CDH18: variants seen among roughly 807,000 people sequenced by gnomAD.
CDH18 encodes the protein cadherin-18.
In CDH18, 31 loss-of-function variants were observed where a neutral mutation model predicts 67.9. That is an observed-to-expected ratio of 0.46 (90% CI 0.34 to 0.62). The LOEUF (loss-of-function observed/expected upper bound fraction) is 0.62. Ranked by LOEUF, CDH18 falls within the 20% of genes least tolerant of loss-of-function variation. The pLI, the probability that CDH18 is intolerant of heterozygous loss-of-function variation, is 0.01. For missense variants in CDH18, 890 were observed against 975.5 expected (o/e 0.91, Z 1.17); for synonymous variants, 362 against 347.2 (o/e 1.04, Z -0.48).
chr5:20,058,210 A>G (rs149569917), intron 2 of CDH18, among the ~76,000 whole-genome samples: 22 of 152,276 alleles, frequency 1.4e-4, no homozygotes, highest in African/African-American at 5.3e-4. Flanking sequence ...ATTGTATTAG[A>G]ACTATCTTTA....
intron 2 of CDH18, among the ~76,000 whole-genome samples, chr5:20,173,291 A>T (rs1736984166): frequency 6.6e-6 from 1 of 152,178 alleles, no homozygotes; most frequent in East Asian, 1.9e-4. Flanking sequence ...TTAGAAATGT[A>T]TACATCAAGG....
At chr5:20,282,360 T>C (rs1331680809) in intron 1 of CDH18, among the ~76,000 whole-genome samples, 1 of 152,178 alleles carries the variant, frequency 6.6e-6, no homozygotes, top group Non-Finnish European at 1.5e-5. Flanking sequence ...TTGTCATAAA[T>C]AGCTCTTATT....
At position 20,453,619 on chromosome 5, in the gene CDH18, ATATATATG is replaced by A. The variant is rs1166032382; in HGVS notation, c.-580+121835_-580+121842del. On this transcript the variant is annotated intron_variant, in intron 1 of 14. Coordinates refer to the CDH18 transcript ENST00000507958. ...TATGTATATATATGTGTGTGTGTAT[ATATATATG>A]TATATATGTATAAATGTATTTGGCT... is the stretch of plus-strand genomic sequence containing the variant. 7.2e-3 allele frequency among the ~76,000 whole-genome samples: 1,088 copies of A among 151,904 alleles called. 8 individuals are homozygous for A. The highest frequency in any genetic ancestry group is 0.025 in the African/African-American group (1,028 of 41,456).
chr5:20,147,632 C>T (rs918665510), intron 2 of CDH18, among the ~76,000 whole-genome samples: 1 of 152,040 alleles, frequency 6.6e-6, no homozygotes, highest in African/African-American at 2.4e-5. Flanking sequence ...GCTTTTGTTT[C>T]TATTTTCATT....
chr5:19,678,695 C>T (rs1759840364), intron 5 of CDH18, among the ~76,000 whole-genome samples: 1 of 151,700 alleles, frequency 6.6e-6, no homozygotes, highest in Middle Eastern at 3.4e-3. Context: ...ACCTGTAAAA[C>T]CTAGAAAAAA....
At chr5:19,715,045 G>A (rs1765175685) in intron 5 of CDH18, among the ~76,000 whole-genome samples, 1 of 151,892 alleles carries the variant, frequency 6.6e-6, no homozygotes, top group African/African-American at 2.4e-5. Context: ...ATTGACTTTG[G>A]AAAGTGAAAA....
At chr5:20,212,926 T>G (rs1175027191) in intron 2 of CDH18, among the ~76,000 whole-genome samples, 1 of 152,080 alleles carries the variant, frequency 6.6e-6, no homozygotes, top group East Asian at 1.9e-4. Flanking sequence ...ACTGTTTTGC[T>G]TTCTTATCAT....
intron 2 of CDH18, among the ~76,000 whole-genome samples, chr5:20,204,669 T>A (rs1428209846): frequency 2.0e-5 from 3 of 151,858 alleles, no homozygotes; most frequent in African/African-American, 7.2e-5. Flanking sequence ...GAGAAACCTA[T>A]TAAAAATAAG....
intron 8 of CDH18, among the ~76,000 whole-genome samples, chr5:19,564,978 G>A (rs540541810): frequency 1.4e-3 from 207 of 151,992 alleles, no homozygotes; most frequent in Non-Finnish European, 2.5e-3. Flanking sequence ...AGGGAAGAGC[G>A]GGAAGAACTT....
intron 3 of CDH18, among the ~76,000 whole-genome samples, chr5:19,807,049 G>A (rs915055566): frequency 6.6e-6 from 1 of 152,188 alleles, no homozygotes; most frequent in African/African-American, 2.4e-5. Context: ...TAACACAATG[G>A]TGTGTGTATC....
chr5:19,505,706 T>C (rs550310447), intron 10 of CDH18, among the ~76,000 whole-genome samples: 24 of 152,282 alleles, frequency 1.6e-4, no homozygotes, highest in Middle Eastern at 3.4e-3. Flanking sequence ...GATGTGCTGC[T>C]GGATTCGGTT....
intron 2 of CDH18, among the ~76,000 whole-genome samples, chr5:20,036,267 T>C (rs1408326560): frequency 1.3e-5 from 2 of 152,000 alleles, no homozygotes; most frequent in Admixed American, 1.3e-4. Flanking sequence ...TCTCTCTGTA[T>C]TAGTATTTTC....
chr5:20,202,000 A>G (rs1739486405), intron 2 of CDH18, among the ~76,000 whole-genome samples: 1 of 152,202 alleles, frequency 6.6e-6, no homozygotes, highest in Non-Finnish European at 1.5e-5. Context: ...CTACCACAGG[A>G]CAGTAGTATG....
rs188591812 is a variant in CDH18, at chr5:19,847,864, T to C, written c.-256-8622A>G. On this transcript the variant is annotated intron_variant, in intron 2 of 12. Coordinates refer to ENST00000382275, the MANE Select transcript of CDH18 (RefSeq NM_004934.5). The stretch of plus-strand genomic sequence containing the variant: ...CCTTTTTTGAGATCTCATAATTTCT[T>C]GCTCTTTCTGGTGTCTATATGGTGT... 3.8e-3 allele frequency among the ~76,000 whole-genome samples: 576 copies of C among 152,258 alleles called. 3 individuals are homozygous for C. Among genetic ancestry groups the C allele is most frequent in the African/African-American group, 0.013 (548 of 41,558 alleles).
rs555881277 is a variant in CDH18 at position 19,667,267 on chromosome 5, C to A, written c.643+54080G>T. Among the ~76,000 whole-genome samples, 335 of 151,346 alleles carry A rather than the reference C, an allele frequency of 2.2e-3. 2 individuals carry two copies. Among genetic ancestry groups the A allele is most frequent in the Middle Eastern group, 6.9e-3 (2 of 290 alleles). On this transcript the variant is annotated intron_variant, in intron 5 of 12. Transcript: ENST00000382275. ...GATATTTTATCTGTAAAAAACTGAT[C>A]AAAATATACTTTATTATGTAAAATT... is the stretch of plus-strand genomic sequence containing the variant.
chr5:19,841,631 C>T (rs1782332624), intron 2 of CDH18, among the ~76,000 whole-genome samples: 1 of 148,904 alleles, frequency 6.7e-6, no homozygotes. Context: ...TTGTTGAAGA[C>T]ATAGAAGGTG....
At position 19,473,670 on chromosome 5, in the gene CDH18, G is replaced by T; in HGVS notation, c.1929C>A (p.Pro643=). The T allele has an allele frequency of 6.2e-7, 1 of 1,613,476 alleles. No individual in the cohort carries two copies. Among genetic ancestry groups the T allele is most frequent in the South Asian group, 1.1e-5 (1 of 91,072 alleles). ...FITLRRSKKE[P]LIISEEDVRE... The stretch of plus-strand genomic sequence containing the variant: ...GTACATCCTCTTCTGAAATGATCAA[G>T]GGCTCTTTTTTGCTGCGCCTCAGGG... The change falls in exon 13 of 13, where the codon CCC becomes CCA. Residue 643 remains proline, a synonymous_variant. Transcript: ENST00000382275.
intron 2 of CDH18, among the ~76,000 whole-genome samples, chr5:20,126,540 A>G (rs1748845230): frequency 6.6e-6 from 1 of 152,174 alleles, no homozygotes; most frequent in Non-Finnish European, 1.5e-5. Context: ...CAGAATGAGA[A>G]AAAGTATTTT....
intron 1 of CDH18, chr5:20,304,904 G>A (rs1416651480): frequency 2.5e-6 from 4 of 1,612,538 alleles, no homozygotes; most frequent in Non-Finnish European, 3.4e-6. Context: ...ATAGGTGTCA[G>A]ATCACAGAGG....
Sources: gnomAD v4.1 joint callset for allele counts (sites outside exome capture counted in the v4.1 genomes callset) on GRCh38, gnomAD v4.1.1 for gene constraint, MANE v1.5 for transcripts, NCBI Gene and HGNC (gene_info 2026-07-23, HGNC 2026-07-21) for gene names.